Variants in DCDC1 observed in about 807,000 individuals in gnomAD.
The protein encoded by DCDC1 is doublecortin domain containing 1.
In DCDC1, 200 loss-of-function variants were observed where a neutral mutation model predicts 178.3. The ratio of observed to expected loss-of-function variants is 1.12; its 90% CI spans 1.00 to 1.26. DCDC1 has a LOEUF of 1.26. Among genes scored for constraint, DCDC1 ranks in the 50% most tolerant of loss-of-function variants. DCDC1 has a pLI of 0.00. For synonymous variants in DCDC1, 690 were observed against 604.8 expected (o/e 1.14, Z -2.07); for missense variants, 1,983 against 1,749.2 (o/e 1.13, Z -2.38).
At chr11:31,056,666 A>C (rs1955604778) in intron 20 of DCDC1, among the ~76,000 whole-genome samples, 1 of 152,190 alleles carries the variant, frequency 6.6e-6, no homozygotes, top group Non-Finnish European at 1.5e-5. Context: ...ATCTCAAATT[A>C]TAGAAAAGAA....
At chr11:31,211,573 CTAGA>C (rs1329942346) in intron 9 of DCDC1, among the ~76,000 whole-genome samples, 2 of 152,120 alleles carry the variant, frequency 1.3e-5, no homozygotes, top group African/African-American at 2.4e-5. Flanking sequence ...ACAGACATGC[CTAGA>C]TACTTTGTTC....
intron 7 of DCDC1, among the ~76,000 whole-genome samples, chr11:31,276,382 ACTTCAC>A (rs1945986422): frequency 6.6e-6 from 1 of 152,238 alleles, no homozygotes. Context: ...TACTAAAAAT[ACTTCAC>A]CTTTGGCAAT....
chr11:31,161,338 C>T (rs1255524854), intron 9 of DCDC1, among the ~76,000 whole-genome samples: 1 of 152,162 alleles, frequency 6.6e-6, no homozygotes, highest in Non-Finnish European at 1.5e-5. Flanking sequence ...TCATCTCACT[C>T]TCTGACTTTT....
At chr11:31,264,129 T>C (rs900618085) in intron 8 of DCDC1, among the ~76,000 whole-genome samples, 10 of 152,178 alleles carry the variant, frequency 6.6e-5, no homozygotes, top group Non-Finnish European at 1.3e-4. Context: ...TCATGCCACA[T>C]TTATGAGTGT....
At chr11:30,945,110 A>T (rs558397695) in intron 21 of DCDC1, among the ~76,000 whole-genome samples, 29 of 151,482 alleles carry the variant, frequency 1.9e-4, no homozygotes, top group Non-Finnish European at 4.1e-4. Context: ...CTGGGACTAC[A>T]GGCATCTGCC....
In DCDC1 at chr11:30,943,931, T is replaced by C. The variant is rs1005720450; in HGVS notation, c.2715+8514A>G. 1.6e-5 allele frequency: 4 copies of C among 246,492 alleles called. No individual in the cohort carries two copies. In the Admixed American group the frequency reaches 2.0e-4, roughly 13 times the overall value. The allele number at this position is 246,492 out of a possible 1,614,324, so 15.3% of individuals were successfully genotyped here. ...GAGACATTACCAAGATAATTCCATA[T>C]TTCTATATTGTTCATACTTCCTTAG... is the stretch of plus-strand genomic sequence containing the variant. On this transcript the variant is annotated intron_variant, in intron 21 of 38. Transcript: ENST00000684477.
At chr11:31,342,649 T>C (rs1412075472) in intron 1 of DCDC1, among the ~76,000 whole-genome samples, 3 of 152,152 alleles carry the variant, frequency 2.0e-5, no homozygotes, top group East Asian at 1.9e-4. Context: ...TTAACAACCA[T>C]TGTCTTTTGA....
intron 26 of DCDC1, 96 bp from the exon 27 acceptor site, chr11:30,915,807 G>T: frequency 1.6e-6 from 2 of 1,260,274 alleles, no homozygotes; most frequent in Non-Finnish European, 2.2e-6. Context: ...GTTGGTGAGA[G>T]CTCCAACGTG....
intron 20 of DCDC1, among the ~76,000 whole-genome samples, chr11:30,978,813 C>CAT (rs1226832370): frequency 5.3e-5 from 5 of 93,550 alleles, no homozygotes; most frequent in African/African-American, 1.6e-4. Flanking sequence ...CACACACACA[C>CAT]ACACACACAC....
intron 10 of DCDC1, among the ~76,000 whole-genome samples, chr11:31,133,302 C>T (rs904095126): frequency 3.3e-5 from 5 of 152,126 alleles, no homozygotes; most frequent in African/African-American, 9.7e-5. Flanking sequence ...TCAGCACAAA[C>T]GGTGGCAGCC....
intron 29 of DCDC1, among the ~76,000 whole-genome samples, chr11:30,906,929 A>G (rs1371244129): frequency 6.6e-6 from 1 of 152,192 alleles, no homozygotes; most frequent in Non-Finnish European, 1.5e-5. Flanking sequence ...TGTAACGACA[A>G]TTCGACACCA....
intron 11 of DCDC1, among the ~76,000 whole-genome samples, chr11:31,126,107 T>C (rs1408266106): frequency 6.6e-6 from 1 of 152,136 alleles, no homozygotes; most frequent in Non-Finnish European, 1.5e-5. Flanking sequence ...AGTCACACCG[T>C]AGTTCATACG....
At chr11:31,300,795 T>C (rs190585963) in intron 6 of DCDC1, among the ~76,000 whole-genome samples, 76 of 152,268 alleles carry the variant, frequency 5.0e-4, no homozygotes, top group Non-Finnish European at 8.8e-4. Context: ...ATTTTGTAAA[T>C]GCATTCAAGT....
chr11:31,088,490 A>G (rs1245799719), intron 17 of DCDC1, among the ~76,000 whole-genome samples: 1 of 151,120 alleles, frequency 6.6e-6, no homozygotes, highest in Non-Finnish European at 1.5e-5. Flanking sequence ...TGCTTTGGTG[A>G]TTATATATTT....
At chr11:31,276,896 A>G (rs972877283) in intron 7 of DCDC1, among the ~76,000 whole-genome samples, 1 of 152,176 alleles carries the variant, frequency 6.6e-6, no homozygotes, top group Non-Finnish European at 1.5e-5. Flanking sequence ...GTAGATAACC[A>G]GAGGAAATTT....
intron 20 of DCDC1, among the ~76,000 whole-genome samples, chr11:30,976,731 T>A (rs908623646): frequency 1.3e-5 from 2 of 152,232 alleles, no homozygotes; most frequent in East Asian, 3.9e-4. Flanking sequence ...ACACTGTTGG[T>A]GGGAATGTAA....
chr11:30,946,563 C>T (rs1460464932), intron 21 of DCDC1, among the ~76,000 whole-genome samples: 1 of 152,158 alleles, frequency 6.6e-6, no homozygotes. Context: ...AAAACAATGA[C>T]TTCTTGGCTT....
chr11:31,303,107 A>C (rs1009167998), intron 6 of DCDC1, among the ~76,000 whole-genome samples: 5 of 152,174 alleles, frequency 3.3e-5, no homozygotes, highest in African/African-American at 9.6e-5. Context: ...TGTTGATTTA[A>C]ATTTTGATTT....
At chr11:30,926,229 G>T (rs1009246179) in intron 22 of DCDC1, among the ~76,000 whole-genome samples, 3 of 152,186 alleles carry the variant, frequency 2.0e-5, no homozygotes, top group Non-Finnish European at 2.9e-5. Flanking sequence ...GGATAAACAG[G>T]ATTTCATCAA....
Sources: gnomAD v4.1 joint callset for allele counts (sites outside exome capture counted in the v4.1 genomes callset) on GRCh38, gnomAD v4.1.1 for gene constraint, MANE v1.5 for transcripts, NCBI Gene and HGNC (gene_info 2026-07-23, HGNC 2026-07-21) for gene names.